CREBBP: variants seen among roughly 807,000 people sequenced by gnomAD.
The protein encoded by CREBBP is CREB-binding protein.
A neutral mutation model predicts 265.0 loss-of-function variants in CREBBP; 19 were observed. The observed-to-expected ratio is 0.07, with a 90% confidence interval of 0.05 to 0.11. The LOEUF is 0.11. Among genes scored for constraint, CREBBP ranks in the 10% least tolerant of loss-of-function variants. The probability of loss-of-function intolerance (pLI) is 1.00; values close to 1 mark genes in which losing one functional copy is unlikely to be tolerated. For missense variants in CREBBP, 2,525 were observed against 3,219.0 expected (o/e 0.78, Z 5.22); for synonymous variants, 1,457 against 1,223.7 (o/e 1.19, Z -3.98).
chr16:3,851,482 C>T (rs188053251), intron 1 of CREBBP, among the ~76,000 whole-genome samples: 3 of 152,090 alleles, frequency 2.0e-5, no homozygotes, highest in African/African-American at 4.8e-5. Flanking sequence ...GTGTTGAGGG[C>T]AAACTCAGAT....
intron 1 of CREBBP, among the ~76,000 whole-genome samples, chr16:3,872,745 C>G (rs1317291510): frequency 2.0e-5 from 3 of 152,222 alleles, no homozygotes; most frequent in East Asian, 3.8e-4. Context: ...CATGGGCCTA[C>G]AACGATACCC....
chr16:3,749,747 G>T (rs892323627), intron 20 of CREBBP, 64 bp from the exon 21 acceptor site: 1 of 1,070,776 alleles, frequency 9.3e-7, no homozygotes, highest in South Asian at 1.4e-5. Context: ...ATAAACTATA[G>T]GGTCTCTGGA....
At chr16:3,766,091 T>C (rs1027228079) in intron 16 of CREBBP, among the ~76,000 whole-genome samples, 2 of 152,038 alleles carry the variant, frequency 1.3e-5, no homozygotes, top group African/African-American at 4.8e-5. Flanking sequence ...TGTCAACATA[T>C]GGAAAATCTG....
At chr16:3,838,280 A>G (rs1047563049) in intron 2 of CREBBP, among the ~76,000 whole-genome samples, 2 of 152,218 alleles carry the variant, frequency 1.3e-5, no homozygotes, top group Non-Finnish European at 2.9e-5. Flanking sequence ...GTACAGATTT[A>G]TAGTCCAGGA....
chr16:3,856,305 T>A (rs1434032972), intron 1 of CREBBP, among the ~76,000 whole-genome samples: 2 of 152,174 alleles, frequency 1.3e-5, no homozygotes, highest in Admixed American at 6.5e-5. Context: ...TTATTTTATT[T>A]TTAATTAATG....
chr16:3,795,911 C>T (rs1185548435), intron 3 of CREBBP, among the ~76,000 whole-genome samples: 1 of 152,176 alleles, frequency 6.6e-6, no homozygotes, highest in African/African-American at 2.4e-5. Context: ...TCTTGGGCAT[C>T]AGCTAATACT....
intron 3 of CREBBP, among the ~76,000 whole-genome samples, chr16:3,809,312 G>C (rs1396278858): frequency 1.3e-5 from 2 of 152,074 alleles, no homozygotes; most frequent in East Asian, 3.9e-4. Flanking sequence ...TGAGTAGCTG[G>C]AATTACAGGT....
At chr16:3,836,316 C>A (rs1388607674) in intron 2 of CREBBP, among the ~76,000 whole-genome samples, 1 of 151,666 alleles carries the variant, frequency 6.6e-6, no homozygotes, top group Non-Finnish European at 1.5e-5. Flanking sequence ...CACCTGTAGT[C>A]CCAGCTACTC....
At position 3,852,168 on chromosome 16, in the gene CREBBP, T is replaced by G. The variant is rs1425495366; in HGVS notation, c.86-1159A>C. ...CCAATCTTAAATTTGTTTTTTTTTT[T>G]TTTTTTTTTTTTTTGAGACAGAGTC... On this transcript the variant is annotated intron_variant, in intron 1 of 30. Coordinates refer to ENST00000262367, the MANE Select transcript of CREBBP (RefSeq NM_004380.3). Among the ~76,000 whole-genome samples, 87 of 111,816 alleles carry G rather than the reference T, an allele frequency of 7.8e-4. 3 individuals carry two copies. Among genetic ancestry groups the G allele is most frequent in the African/African-American group, 2.4e-3 (74 of 30,832 alleles). 73.4% of individuals were successfully genotyped at this position (111,816 alleles called of 152,430 possible).
intron 11 of CREBBP, among the ~76,000 whole-genome samples, chr16:3,776,041 C>T (rs1007693343): frequency 6.6e-6 from 1 of 152,122 alleles, no homozygotes; most frequent in African/African-American, 2.4e-5. Flanking sequence ...CTCAGCCTCC[C>T]GCGTAGCTGG....
intron 2 of CREBBP, among the ~76,000 whole-genome samples, chr16:3,849,452 T>TGTG (rs1567360798): frequency 5.4e-4 from 41 of 76,260 alleles, no homozygotes; most frequent in Non-Finnish European, 7.4e-4. Context: ...TGTGTGTGTG[T>TGTG]GTGTGTGTGT....
chr16:3,748,437 A>AAATC (rs2052397973), intron 21 of CREBBP, among the ~76,000 whole-genome samples: 1 of 152,242 alleles, frequency 6.6e-6, no homozygotes, highest in Non-Finnish European at 1.5e-5. Context: ...TCTCGCCAAG[A>AAATC]CTACAGCTCT....
Position 3,731,440 on chromosome 16 carries a change from C to T in CREBBP, c.4924G>A (p.Val1642Ile), listed in dbSNP as rs2151317464. The change falls in exon 30 of 31, where the codon GTC becomes ATC. Residue 1642 changes from valine (V) to isoleucine (I), a missense_variant. Val to Ile is a conservative substitution (Grantham distance 29, BLOSUM62 3). This residue lies in a region of CREBBP where 37 missense variants were observed against 34.1 expected (regional missense o/e 1.09). Transcript: ENST00000262367. The surrounding 1 kb of genome is among the most constrained non-coding windows in gnomAD (Gnocchi z 7.7). ...ACGATGGGGGGCAGGGTGTTGATGA[C>T]AGGCCCAGCGTGCAGGTGGATCACG... is the stretch of plus-strand genomic sequence containing the variant. ...FFVIHLHAGP[V>I]INTLPPIVDP... 1 of 1,598,882 alleles carries T rather than the reference C, an allele frequency of 6.3e-7. No homozygotes were observed. Among genetic ancestry groups the T allele is most frequent in the South Asian group, 1.1e-5 (1 of 88,732 alleles).
At chr16:3,838,122 G>C (rs1015950546) in intron 2 of CREBBP, among the ~76,000 whole-genome samples, 1 of 152,172 alleles carries the variant, frequency 6.6e-6, no homozygotes, top group Non-Finnish European at 1.5e-5. Context: ...GCATGGGACT[G>C]AGTGTCTGGT....
At chr16:3,822,771 A>G (rs1256416242) in intron 2 of CREBBP, among the ~76,000 whole-genome samples, 1 of 152,256 alleles carries the variant, frequency 6.6e-6, no homozygotes, top group African/African-American at 2.4e-5. Context: ...GAGTCCTAAC[A>G]AAAACATAAT....
rs765472680 is a variant in CREBBP, at chr16:3,780,874, G to A, written c.1681C>T (p.Leu561=). ...CCAGAGTTGGAGCCATCGTTCATCAGTGGGCTAAGGAGGAAATAAAGACAC... is the reference window on the plus strand; with the variant it reads ...CCAGAGTTGGAGCCATCGTTCATCAATGGGCTAAGGAGGAAATAAAGACAC... The part of the protein sequence containing the change: ...LPTSLGATNP[L]MNDGSNSGNI... The change falls in exon 8 of 31, where the codon CTG becomes TTG. Residue 561 remains leucine (L), a synonymous_variant. Coordinates refer to ENST00000262367, the MANE Select transcript of CREBBP (RefSeq NM_004380.3). 6.2e-7 allele frequency: 1 copy of A among 1,613,380 alleles called. No individual in the cohort carries two copies. The highest frequency in any genetic ancestry group is 1.1e-5 in the South Asian group (1 of 91,028).
At chr16:3,742,410 T>G (rs129970) in intron 23 of CREBBP, 26 of 152,358 alleles carry the variant, frequency 1.7e-4, no homozygotes, top group African/African-American at 6.3e-4. Flanking sequence ...AGGATACATG[T>G]GTGAAAGTAG....
At chr16:3,768,930 C>G (rs1461495974) in intron 15 of CREBBP, among the ~76,000 whole-genome samples, 1 of 152,130 alleles carries the variant, frequency 6.6e-6, no homozygotes, top group Non-Finnish European at 1.5e-5. Flanking sequence ...TTGGATGATT[C>G]AAGTATTTCA....
At chr16:3,852,157 GTTTTTTTTTTTT>G (rs910861282) in intron 1 of CREBBP, among the ~76,000 whole-genome samples, 1 of 50,880 alleles carries the variant, frequency 2.0e-5, no homozygotes, top group Admixed American at 2.6e-4. Context: ...TCTTAAATTT[GTTTTTTTTTTTT>G]TTTTTTTTTT....
Sources: gnomAD v4.1 joint callset for allele counts (sites outside exome capture counted in the v4.1 genomes callset) on GRCh38, gnomAD v4.1.1 for gene constraint, gnomAD v4.1.1 regional missense constraint, Gnocchi (gnomAD v3.1) non-coding constraint, MANE v1.5 for transcripts, NCBI Gene and HGNC (gene_info 2026-07-23, HGNC 2026-07-21) for gene names.